Variants in FRK observed in about 807,000 individuals in gnomAD.
The protein encoded by FRK is tyrosine-protein kinase FRK.
Under a neutral mutation model 56.4 loss-of-function variants are expected in FRK, and 51 were observed. The observed-to-expected ratio is 0.90, with a 90% confidence interval of 0.72 to 1.14. The LOEUF (loss-of-function observed/expected upper bound fraction) is 1.14, where lower values mean the gene tolerates loss of function less well. Among genes scored for constraint, FRK ranks in the 50% most tolerant of loss-of-function variants. FRK has a pLI of 0.00. For missense variants in FRK, 570 were observed against 601.4 expected (o/e 0.95, Z 0.55); for synonymous variants, 245 against 217.9 (o/e 1.12, Z -1.10).
At chr6:116,067,997 C>T in the FRK span, among the ~76,000 whole-genome samples, 1 of 152,316 alleles carries the variant, frequency 6.6e-6, no homozygotes, top group South Asian at 2.1e-4. Flanking sequence ...AATTTAGATA[C>T]TTCCTTTGGC....
the FRK span, among the ~76,000 whole-genome samples, chr6:116,068,976 G>T: frequency 6.6e-6 from 1 of 152,136 alleles, no homozygotes; most frequent in African/African-American, 2.4e-5. Context: ...TAGAGAACTT[G>T]CTTTCCAAAA....
intron 1 of FRK, among the ~76,000 whole-genome samples, chr6:116,036,744 A>G (rs1438773327): frequency 6.6e-6 from 1 of 152,146 alleles, no homozygotes; most frequent in African/African-American, 2.4e-5. Flanking sequence ...TCATTAAATA[A>G]GTAAAATAAC....
chr6:115,979,187 G>A lies in FRK; in HGVS notation c.467-10448C>T, dbSNP rs140019984. On this transcript the variant is annotated intron_variant, in intron 2 of 7. Transcript: ENST00000606080. ...AGAAGAAAGCACTTTTATCATAGGA[G>A]AGGACAGCTCCATGGGTGTTATTGC... Among the ~76,000 whole-genome samples the A allele has an allele frequency of 1.0e-2, 1,522 of 152,210 alleles. 16 individuals carry two copies. The highest frequency in any genetic ancestry group is 0.016 in the Non-Finnish European group (1,099 of 68,008).
chr6:116,052,213 A>C (rs1582761377), intron 1 of FRK, among the ~76,000 whole-genome samples: 1 of 152,318 alleles, frequency 6.6e-6, no homozygotes, highest in East Asian at 1.9e-4. Flanking sequence ...GATTAGAGCA[A>C]CTAATTTCTG....
chr6:115,981,159 G>A (rs1342110490), intron 2 of FRK, among the ~76,000 whole-genome samples: 1 of 152,084 alleles, frequency 6.6e-6, no homozygotes, highest in Non-Finnish European at 1.5e-5. Flanking sequence ...TTTTGTTTAT[G>A]GGAGCTTTGA....
At chr6:116,086,876 G>C in the FRK span, among the ~76,000 whole-genome samples, 1 of 152,194 alleles carries the variant, frequency 6.6e-6, no homozygotes, top group Non-Finnish European at 1.5e-5. Flanking sequence ...GTCCCCATCT[G>C]AAATAACTTA....
At chr6:116,047,408 T>G (rs1777005919) in intron 1 of FRK, among the ~76,000 whole-genome samples, 3 of 150,156 alleles carry the variant, frequency 2.0e-5, no homozygotes, top group Non-Finnish European at 4.4e-5. Flanking sequence ...TTTTTTTTTT[T>G]TTTAATTGAG....
At chr6:116,082,541 T>C in the FRK span, among the ~76,000 whole-genome samples, 7 of 152,270 alleles carry the variant, frequency 4.6e-5, no homozygotes, top group Admixed American at 4.6e-4. Flanking sequence ...AGATTCTGGA[T>C]ATATGTTTAA....
chr6:115,982,479 G>A (rs1774235573), intron 2 of FRK, among the ~76,000 whole-genome samples: 3 of 152,126 alleles, frequency 2.0e-5, no homozygotes, highest in East Asian at 1.9e-4. Context: ...AAAGAGGGTA[G>A]ACTATGTTTA....
chr6:116,003,012 GAC>G (rs1212065032), intron 2 of FRK, among the ~76,000 whole-genome samples: 1 of 152,214 alleles, frequency 6.6e-6, no homozygotes, highest in Non-Finnish European at 1.5e-5. Flanking sequence ...GAGTCAGGCA[GAC>G]ACAATGAGGC....
At chr6:115,966,359 A>C (rs1025912684) in intron 4 of FRK, among the ~76,000 whole-genome samples, 3 of 152,242 alleles carry the variant, frequency 2.0e-5, no homozygotes, top group African/African-American at 7.2e-5. Flanking sequence ...TATGATGTCA[A>C]CAAAAGGAAT....
In FRK at chr6:115,937,249, T is replaced by C. The variant is rs1772068716; in HGVS notation, c.*5165A>G. ...CTCAGTTTCATAAGCGAAGGAGAAA[T>C]AAAATCCTTTACAGACAAGCAAATG... is the stretch of plus-strand genomic sequence containing the variant. On this transcript the variant is annotated 3_prime_UTR_variant, in exon 8 of 8. Transcript: ENST00000606080. 1 of 152,074 alleles carries C rather than the reference T, an allele frequency of 6.6e-6. No individual in the cohort carries two copies. The allele number at this position is 152,074 out of a possible 1,614,324, so 9.4% of individuals were successfully genotyped here.
rs769360767 is a variant in FRK, at chr6:115,942,559, C to G, written c.1373G>C (p.Cys458Ser). Residue 458 changes from cysteine (C) to serine (S), a missense_variant, in exon 8 of 8, where the codon TGT becomes TCT. Coordinates refer to ENST00000606080, the MANE Select transcript of FRK (RefSeq NM_002031.3). Reference protein sequence around the residue: ...QNYRLPQPSNCPQQFYNIMLE... With the variant: ...QNYRLPQPSNSPQQFYNIMLE... ...CATGATGTTGTAAAATTGCTGTGGA[C>G]AGTTGGATGGTTGCGGAAGTCTATA... The G allele has an allele frequency of 6.2e-7, 1 of 1,613,778 alleles. No homozygotes were observed. The highest frequency in any genetic ancestry group is 8.5e-7 in the Non-Finnish European group (1 of 1,179,814).
the FRK span, among the ~76,000 whole-genome samples, chr6:116,071,138 A>C: frequency 1.3e-5 from 2 of 152,162 alleles, no homozygotes; most frequent in Non-Finnish European, 2.9e-5. Flanking sequence ...GTGAATCATC[A>C]AAGTAAACAT....
chr6:116,012,767 G>A (rs373814193), intron 1 of FRK, among the ~76,000 whole-genome samples: 13 of 152,294 alleles, frequency 8.5e-5, no homozygotes, highest in Middle Eastern at 3.4e-3. Context: ...ATAGCTTGCA[G>A]TATAAAGTGT....
the FRK span, among the ~76,000 whole-genome samples, chr6:116,066,192 T>TA: frequency 6.6e-6 from 1 of 152,164 alleles, no homozygotes; most frequent in Non-Finnish European, 1.5e-5. Context: ...CGGCATCACC[T>TA]AATCGGCTGC....
At chr6:115,973,796 G>A (rs560934458) in intron 2 of FRK, among the ~76,000 whole-genome samples, 5 of 151,782 alleles carry the variant, frequency 3.3e-5, no homozygotes, top group South Asian at 2.1e-4. Flanking sequence ...GCTTGAACCC[G>A]GGAGGCAGAG....
At chr6:115,951,549 A>G (rs1047319893) in intron 5 of FRK, among the ~76,000 whole-genome samples, 5 of 152,064 alleles carry the variant, frequency 3.3e-5, no homozygotes, top group African/African-American at 1.2e-4. Context: ...TCTGTCATTA[A>G]TTACCCTCAA....
intron 2 of FRK, among the ~76,000 whole-genome samples, chr6:115,982,131 T>C (rs1427526194): frequency 6.6e-6 from 1 of 152,076 alleles, no homozygotes; most frequent in African/African-American, 2.4e-5. Flanking sequence ...CATCCTACAA[T>C]CCACTGAGGC....
Sources: gnomAD v4.1 joint callset for allele counts (sites outside exome capture counted in the v4.1 genomes callset) on GRCh38, gnomAD v4.1.1 for gene constraint, MANE v1.5 for transcripts, NCBI Gene and HGNC (gene_info 2026-07-23, HGNC 2026-07-21) for gene names.